Variants in CHST8 observed in about 807,000 individuals in gnomAD.
The protein encoded by CHST8 is GALNAC-4-ST1.
CHST8 carries 10 observed loss-of-function variants against 15.0 expected under a neutral mutation model. The observed-to-expected ratio is 0.67, with a 90% confidence interval of 0.41 to 1.13. CHST8 has a LOEUF of 1.13. Ranked by LOEUF, CHST8 falls within the 50% of genes most tolerant of loss-of-function variation. The pLI, the probability that CHST8 is intolerant of heterozygous loss-of-function variation, is 0.00. For missense variants in CHST8, 634 were observed against 608.2 expected, an observed-to-expected ratio of 1.04 and a Z score of -0.45; for synonymous variants, 259 against 256.6, an observed-to-expected ratio of 1.01 and a Z score of -0.09.
At chr19:33,743,523 G>A (rs972088127) in intron 3 of CHST8, among the ~76,000 whole-genome samples, 9 of 151,978 alleles carry the variant, frequency 5.9e-5, no homozygotes, top group African/African-American at 1.9e-4. Flanking sequence ...GGATGGTCTC[G>A]ATCTCCTGAC....
chr19:33,691,864 C>T (rs913819397), intron 3 of CHST8, among the ~76,000 whole-genome samples: 3 of 152,154 alleles, frequency 2.0e-5, no homozygotes, highest in Admixed American at 6.5e-5. Context: ...AGCGGATCTA[C>T]GGAGGAAATT....
At chr19:33,734,412 T>G (rs1335839523) in intron 3 of CHST8, among the ~76,000 whole-genome samples, 1 of 152,216 alleles carries the variant, frequency 6.6e-6, no homozygotes, top group African/African-American at 2.4e-5. Context: ...CACTTTACTC[T>G]ATGAACTCAC....
intron 3 of CHST8, among the ~76,000 whole-genome samples, chr19:33,754,575 G>A (rs576028566): frequency 1.2e-4 from 18 of 152,280 alleles, no homozygotes; most frequent in African/African-American, 4.1e-4. Context: ...TCTCCCAGAC[G>A]TCCAACCAGG....
intron 3 of CHST8, among the ~76,000 whole-genome samples, chr19:33,703,143 C>G (rs557124169): frequency 6.6e-6 from 1 of 152,328 alleles, no homozygotes; most frequent in South Asian, 2.1e-4. Flanking sequence ...GCACCAGGCT[C>G]CAAAGAGGCC....
chr19:33,649,284 A>G (rs560098368), intron 1 of CHST8, among the ~76,000 whole-genome samples: 93 of 152,208 alleles, frequency 6.1e-4, no homozygotes, highest in African/African-American at 2.2e-3. Flanking sequence ...TTCCCCAATG[A>G]GTAATGATGT....
At chr19:33,636,012 C>CT (rs35790837) in intron 1 of CHST8, among the ~76,000 whole-genome samples, 4,368 of 138,638 alleles carry the variant, frequency 0.032, 89 homozygotes, top group East Asian at 0.053. Flanking sequence ...AAAAACAACA[C>CT]TTTTTTTTTT....
At chr19:33,756,924 G>A (rs1290510659) in intron 3 of CHST8, among the ~76,000 whole-genome samples, 1 of 152,192 alleles carries the variant, frequency 6.6e-6, no homozygotes, top group Non-Finnish European at 1.5e-5. Context: ...CTGTGGTTTA[G>A]GTGTGAGTGT....
At chr19:33,708,723 T>C (rs886943378) in intron 3 of CHST8, among the ~76,000 whole-genome samples, 1 of 152,238 alleles carries the variant, frequency 6.6e-6, no homozygotes, top group Non-Finnish European at 1.5e-5. Context: ...TGCATTTCCA[T>C]GTAAATTTTA....
chr19:33,694,576 G>A (rs1207287593), intron 3 of CHST8, among the ~76,000 whole-genome samples: 1 of 152,030 alleles, frequency 6.6e-6, no homozygotes, highest in Non-Finnish European at 1.5e-5. Context: ...GCCAGGCCTC[G>A]TATTGAGAAC....
At chr19:33,658,274 A>C (rs1972539670) in intron 1 of CHST8, among the ~76,000 whole-genome samples, 1 of 152,214 alleles carries the variant, frequency 6.6e-6, no homozygotes, top group South Asian at 2.1e-4. Context: ...CGGGAGGCGG[A>C]GATTGCAGTG....
At chr19:33,733,260 G>T (rs561170434) in intron 3 of CHST8, among the ~76,000 whole-genome samples, 2 of 143,022 alleles carry the variant, frequency 1.4e-5, no homozygotes, top group East Asian at 4.0e-4. Flanking sequence ...TTGAGATGGA[G>T]TCTTGCTCTG....
chr19:33,716,470 AATCCTCCT>A (rs1474049779), intron 3 of CHST8, among the ~76,000 whole-genome samples: 1 of 152,188 alleles, frequency 6.6e-6, no homozygotes, highest in African/African-American at 2.4e-5. Flanking sequence ...AGGCTCAAGC[AATCCTCCT>A]ACCCCAGCCT....
chr19:33,698,505 G>T (rs1973268396), intron 3 of CHST8, among the ~76,000 whole-genome samples: 1 of 152,108 alleles, frequency 6.6e-6, no homozygotes, highest in South Asian at 2.1e-4. Context: ...AGGAGATTGG[G>T]GGCAGCCAAG....
At chr19:33,631,238 C>G (rs1270321831) in intron 1 of CHST8, among the ~76,000 whole-genome samples, 1 of 152,174 alleles carries the variant, frequency 6.6e-6, no homozygotes, top group African/African-American at 2.4e-5. Flanking sequence ...TTCCCTTTTT[C>G]CTATGTGATT....
At chr19:33,633,678 G>A (rs1972153791) in intron 1 of CHST8, among the ~76,000 whole-genome samples, 1 of 151,292 alleles carries the variant, frequency 6.6e-6, no homozygotes, top group South Asian at 2.1e-4. Flanking sequence ...GATTACAGGT[G>A]TGTGTCATCA....
intron 3 of CHST8, among the ~76,000 whole-genome samples, chr19:33,694,778 C>G (rs1973178579): frequency 1.3e-5 from 2 of 152,174 alleles, no homozygotes; most frequent in Non-Finnish European, 2.9e-5. Flanking sequence ...CGGGGTTTTA[C>G]CATGTTGGCC....
At chr19:33,648,457 G>A (rs1163905391) in intron 1 of CHST8, among the ~76,000 whole-genome samples, 1 of 152,020 alleles carries the variant, frequency 6.6e-6, no homozygotes, top group East Asian at 1.9e-4. Flanking sequence ...GCCTATTCTG[G>A]ACATTTCATG....
At chr19:33,683,890 T>C (rs1464768778) in intron 2 of CHST8, among the ~76,000 whole-genome samples, 3 of 152,150 alleles carry the variant, frequency 2.0e-5, no homozygotes, top group South Asian at 2.1e-4. Context: ...GAGTCAGCAT[T>C]CTAGACTCTG....
At chr19:33,682,392 C>G (rs1331321116) in intron 2 of CHST8, among the ~76,000 whole-genome samples, 1 of 151,438 alleles carries the variant, frequency 6.6e-6, no homozygotes, top group African/African-American at 2.4e-5. Context: ...TCAGACTAGT[C>G]TCAAACTCCT....
Sources: gnomAD v4.1 joint callset for allele counts (sites outside exome capture counted in the v4.1 genomes callset) on GRCh38, gnomAD v4.1.1 for gene constraint, MANE v1.5 for transcripts, NCBI Gene and HGNC (gene_info 2026-07-23, HGNC 2026-07-21) for gene names.